Variants in RCBTB1 observed in about 807,000 individuals in gnomAD.
RCBTB1 encodes RCC1 and BTB domain-containing protein 1.
RCBTB1 carries 46 observed loss-of-function variants against 62.4 expected under a neutral mutation model. The ratio of observed to expected loss-of-function variants is 0.74; its 90% CI spans 0.58 to 0.94. RCBTB1 has a LOEUF of 0.94. RCBTB1 is among the 40% of genes least tolerant of loss of function. RCBTB1 has a pLI of 0.00. For missense variants in RCBTB1, 565 were observed against 654.9 expected (o/e 0.86, Z 1.50); for synonymous variants, 222 against 245.8 (o/e 0.90, Z 0.91).
At chr13:49,545,733 T>G (rs1030552222) in intron 9 of RCBTB1, among the ~76,000 whole-genome samples, 1 of 152,188 alleles carries the variant, frequency 6.6e-6, no homozygotes, top group African/African-American at 2.4e-5. Context: ...CGAAGCAGGT[T>G]TCAACTGCCC....
At chr13:49,544,411 G>A (rs781530140) in intron 10 of RCBTB1, among the ~76,000 whole-genome samples, 6 of 152,198 alleles carry the variant, frequency 3.9e-5, no homozygotes, top group Non-Finnish European at 7.3e-5. Flanking sequence ...AGAGGTTGCG[G>A]TGAGCTGAGA....
chr13:49,561,676 T>A (rs1037972664), intron 4 of RCBTB1, among the ~76,000 whole-genome samples: 6 of 152,132 alleles, frequency 3.9e-5, no homozygotes, highest in Non-Finnish European at 7.3e-5. Flanking sequence ...AAGCTTAAAG[T>A]TACTTTCTGG....
intron 5 of RCBTB1, among the ~76,000 whole-genome samples, chr13:49,557,038 G>A (rs1961965613): frequency 6.6e-6 from 1 of 152,156 alleles, no homozygotes; most frequent in South Asian, 2.1e-4. Context: ...TGGGGCATGA[G>A]GCCTGTGTGC....
intron 5 of RCBTB1, among the ~76,000 whole-genome samples, chr13:49,556,177 T>C (rs1032706473): frequency 6.6e-6 from 1 of 151,194 alleles, no homozygotes; most frequent in Non-Finnish European, 1.5e-5. Flanking sequence ...ATGGAAACCA[T>C]TCTTTTTGTT....
chr13:49,544,938 C>A, intron 9 of RCBTB1, 75 bp from the exon 10 acceptor site: 9 of 1,176,692 alleles, frequency 7.6e-6, no homozygotes, highest in Admixed American at 2.2e-5. Flanking sequence ...TCAAAAAGAT[C>A]ATCATGACCG....
chr13:49,550,686 A>C (rs1961252460), intron 8 of RCBTB1, among the ~76,000 whole-genome samples: 1 of 152,256 alleles, frequency 6.6e-6, no homozygotes, highest in Non-Finnish European at 1.5e-5. Flanking sequence ...TAAAAGGGCA[A>C]CAGCAAGACT....
Position 49,544,863 on chromosome 13 carries a change from T to G in RCBTB1, c.1046A>C (p.Glu349Ala). The stretch of plus-strand genomic sequence containing the variant: ...TGCAACTGTTAAAAAGTCTTCATGC[T>G]CTGAAGGCAACAAACATATATTAAT... The part of the protein sequence containing the change: ...PAVSWRLLSV[E>A]HEDFLTVAES... Residue 349 changes from glutamate to alanine, a missense_variant and splice_region_variant, in exon 10 of 13, where the codon GAG becomes GCG. By Grantham distance (107) the Glu-to-Ala change is moderately radical. Coordinates refer to ENST00000378302, the MANE Select transcript of RCBTB1 (RefSeq NM_018191.4). The G allele has an allele frequency of 6.2e-7, 1 of 1,609,174 alleles. No individual in the cohort carries two copies. Among genetic ancestry groups the G allele is most frequent in the South Asian group, 1.1e-5 (1 of 90,770 alleles).
chr13:49,559,195 A>C (rs915090286), intron 5 of RCBTB1, among the ~76,000 whole-genome samples: 1 of 152,240 alleles, frequency 6.6e-6, no homozygotes, highest in African/African-American at 2.4e-5. Flanking sequence ...ATCCAATGGA[A>C]TATTATTCAG....
intron 5 of RCBTB1, among the ~76,000 whole-genome samples, chr13:49,557,732 C>T (rs1396987907): frequency 6.6e-6 from 1 of 151,410 alleles, no homozygotes; most frequent in African/African-American, 2.4e-5. Flanking sequence ...CCAGCCTGGG[C>T]AACATAGCCA....
At chr13:49,539,050 A>T (rs1256981281) in intron 12 of RCBTB1, among the ~76,000 whole-genome samples, 1 of 151,898 alleles carries the variant, frequency 6.6e-6, no homozygotes, top group South Asian at 2.1e-4. Flanking sequence ...TTGTATTTTT[A>T]GTAGAGACAG....
At chr13:49,571,346 C>CA (rs958750575) in intron 2 of RCBTB1, among the ~76,000 whole-genome samples, 10 of 148,506 alleles carry the variant, frequency 6.7e-5, no homozygotes, top group Non-Finnish European at 1.0e-4. Context: ...AACCCCATCT[C>CA]AAAAAAAAAA....
At chr13:49,536,438 A>G (rs142811014) in intron 12 of RCBTB1, among the ~76,000 whole-genome samples, 11 of 152,190 alleles carry the variant, frequency 7.2e-5, no homozygotes, top group African/African-American at 2.6e-4. Flanking sequence ...TTCCGACTTG[A>G]CCTCTCTTTA....
At chr13:49,572,991 A>G (rs2137354815) in intron 2 of RCBTB1, among the ~76,000 whole-genome samples, 1 of 152,286 alleles carries the variant, frequency 6.6e-6, no homozygotes, top group African/African-American at 2.4e-5. Flanking sequence ...AAGTACCCTG[A>G]GCAAGGTAGC....
At chr13:49,565,584 G>C (rs1328298986) in intron 4 of RCBTB1, among the ~76,000 whole-genome samples, 4 of 113,654 alleles carry the variant, frequency 3.5e-5, no homozygotes, top group African/African-American at 1.3e-4. Context: ...GTCTCTGCCC[G>C]GCCGCCCATC....
chr13:49,567,364 T>A, intron 2 of RCBTB1, 44 bp from the exon 3 acceptor site: 2 of 1,448,532 alleles, frequency 1.4e-6, no homozygotes, highest in Non-Finnish European at 1.9e-6. Context: ...AAATAGTCAC[T>A]GAGCTAACTT....
intron 2 of RCBTB1, among the ~76,000 whole-genome samples, chr13:49,578,098 T>C (rs965119750): frequency 3.6e-4 from 55 of 152,224 alleles, no homozygotes; most frequent in Middle Eastern, 3.2e-3. Flanking sequence ...TGTCCCTCAG[T>C]ATCTGTGGGG....
chr13:49,549,989 T>TC (rs1468957496), intron 8 of RCBTB1: 1 of 828,618 alleles, frequency 1.2e-6, no homozygotes, highest in African/African-American at 1.9e-5. Context: ...AAATACCATT[T>TC]CTTTTTTTTT....
chr13:49,574,806 T>G (rs1404281559), intron 2 of RCBTB1, among the ~76,000 whole-genome samples: 1 of 152,142 alleles, frequency 6.6e-6, no homozygotes, highest in Non-Finnish European at 1.5e-5. Context: ...AAAGCAGCAT[T>G]ATTCACAATA....
chr13:49,546,411 A>G, intron 9 of RCBTB1: 1 of 952,278 alleles, frequency 1.1e-6, no homozygotes, highest in African/African-American at 1.8e-5. Context: ...TTTTGGTACC[A>G]GGGACCAGTT....
Sources: allele counts gnomAD v4.1 joint callset (sites outside exome capture counted in the v4.1 genomes callset), GRCh38; gene constraint gnomAD v4.1.1; transcripts MANE v1.5; gene names NCBI Gene and HGNC (gene_info 2026-07-23, HGNC 2026-07-21).